ULK4: variants seen among roughly 807,000 people sequenced by gnomAD.
ULK4 encodes unc-51 like kinase 4.
Under a neutral mutation model 160.6 loss-of-function variants are expected in ULK4, and 133 were observed. The observed-to-expected ratio is 0.83, with a 90% CI of 0.72 to 0.96. The LOEUF (loss-of-function observed/expected upper bound fraction) is 0.96, where lower values mean the gene tolerates loss of function less well. Among genes scored for constraint, ULK4 ranks in the 40% least tolerant of loss-of-function variants. The pLI is 0.00. For synonymous variants in ULK4, 534 were observed against 539.8 expected, an observed-to-expected ratio of 0.99 and a Z score of 0.15; for missense variants, 1,580 against 1,499.5, an observed-to-expected ratio of 1.05 and a Z score of -0.89.
At chr3:41,276,586 T>C (rs983121009) in intron 35 of ULK4, among the ~76,000 whole-genome samples, 1 of 152,188 alleles carries the variant, frequency 6.6e-6, no homozygotes, top group Admixed American at 6.5e-5. Context: ...TTTTAGTATA[T>C]GACAGGAATG....
At chr3:41,365,230 G>C (rs1488983383) in intron 35 of ULK4, among the ~76,000 whole-genome samples, 2 of 152,162 alleles carry the variant, frequency 1.3e-5, no homozygotes, top group East Asian at 3.8e-4. Flanking sequence ...TCACATCACA[G>C]TAAACAGTAA....
intron 21 of ULK4, among the ~76,000 whole-genome samples, chr3:41,771,207 A>C (rs2039354237): frequency 6.6e-6 from 1 of 152,230 alleles, no homozygotes; most frequent in South Asian, 2.1e-4. Flanking sequence ...ATAATCTGTC[A>C]GAATATTTCC....
intron 21 of ULK4, among the ~76,000 whole-genome samples, chr3:41,754,834 T>C (rs1357384982): frequency 6.6e-6 from 1 of 152,176 alleles, no homozygotes; most frequent in Non-Finnish European, 1.5e-5. Context: ...ACTGGAAATG[T>C]GGCAGCAAAT....
At chr3:41,325,323 C>T (rs2080320366) in intron 35 of ULK4, among the ~76,000 whole-genome samples, 1 of 152,076 alleles carries the variant, frequency 6.6e-6, no homozygotes, top group Non-Finnish European at 1.5e-5. Context: ...TGAAAATGAG[C>T]TACAGGTAAA....
intron 21 of ULK4, among the ~76,000 whole-genome samples, chr3:41,766,044 G>A (rs2039150747): frequency 6.6e-6 from 1 of 151,880 alleles, no homozygotes; most frequent in Admixed American, 6.6e-5. Context: ...GCCAAAGCGG[G>A]TGGATCACAA....
At chr3:41,277,305 A>C (rs1381173663) in intron 35 of ULK4, among the ~76,000 whole-genome samples, 1 of 152,170 alleles carries the variant, frequency 6.6e-6, no homozygotes, top group Non-Finnish European at 1.5e-5. Context: ...CAAAAAAGAA[A>C]ACTACAGACC....
intron 21 of ULK4, among the ~76,000 whole-genome samples, chr3:41,784,075 T>C (rs1294074177): frequency 2.0e-5 from 3 of 152,132 alleles, no homozygotes; most frequent in African/African-American, 7.2e-5. Context: ...AAAAAGGTAA[T>C]CAATTCCCTA....
intron 18 of ULK4, among the ~76,000 whole-genome samples, chr3:41,821,764 A>G (rs1310568179): frequency 6.6e-6 from 1 of 152,004 alleles, no homozygotes; most frequent in East Asian, 1.9e-4. Flanking sequence ...TGACTTTCTC[A>G]GTTTCCTCAC....
chr3:41,651,465 A>G (rs756197862), intron 30 of ULK4, among the ~76,000 whole-genome samples: 8 of 152,168 alleles, frequency 5.3e-5, no homozygotes, highest in Non-Finnish European at 1.0e-4. Context: ...TGTCTAGTAT[A>G]TACCTCCATC....
chr3:41,679,744 A>G (rs1489478823), intron 29 of ULK4, among the ~76,000 whole-genome samples: 1 of 152,240 alleles, frequency 6.6e-6, no homozygotes, highest in Non-Finnish European at 1.5e-5. Flanking sequence ...GAGCTTTAAA[A>G]AAGCTATTAC....
chr3:41,635,493 T>C lies in ULK4; in HGVS notation c.3072-19776A>G, dbSNP rs551859430. Among the ~76,000 whole-genome samples, 13 of 152,206 alleles carry C rather than the reference T, an allele frequency of 8.5e-5. No individual in the cohort carries two copies. In the East Asian group the frequency reaches 1.5e-3, roughly 18 times the overall value. On this transcript the variant is annotated intron_variant, in intron 30 of 36. Transcript: ENST00000301831. ...TACATTTAGAAAAAATAGAAAAGTA[T>C]TACAAATAAAATATAATCCCACTAT...
intron 35 of ULK4, among the ~76,000 whole-genome samples, chr3:41,260,792 T>C (rs780155301): frequency 2.6e-5 from 4 of 152,202 alleles, no homozygotes; most frequent in Admixed American, 6.5e-5. Context: ...ACAGAGATAT[T>C]GCACTAAACA....
chr3:41,419,437 C>CA (rs2082608087), intron 34 of ULK4, among the ~76,000 whole-genome samples: 2 of 152,116 alleles, frequency 1.3e-5, no homozygotes, highest in African/African-American at 4.8e-5. Flanking sequence ...AGTAGATTTA[C>CA]AAGAATGGAG....
chr3:41,358,288 T>G (rs2081066132), intron 35 of ULK4, among the ~76,000 whole-genome samples: 1 of 152,184 alleles, frequency 6.6e-6, no homozygotes, highest in Admixed American at 6.5e-5. Flanking sequence ...GTGTTAGGTA[T>G]ATAGCAATGA....
rs199900371 is a variant in ULK4 at position 41,554,927 on chromosome 3, G to T, written c.3226+11098C>A. On this transcript the variant is annotated intron_variant, in intron 32 of 36. Coordinates refer to ENST00000301831, the MANE Select transcript of ULK4 (RefSeq NM_017886.4). Reference sequence around the variant, plus strand: ...ATTTCAAAGCAACGCTAGACTCAGTGAGAGAACATACACCAAAACTGAAAT... The same window carrying T: ...ATTTCAAAGCAACGCTAGACTCAGTTAGAGAACATACACCAAAACTGAAAT... 3.3e-5 allele frequency among the ~76,000 whole-genome samples: 5 copies of T among 152,070 alleles called. No individual in the cohort carries two copies. In the South Asian group the frequency reaches 8.3e-4, roughly 25 times the overall value.
chr3:41,423,647 G>A (rs1431872293), intron 34 of ULK4, among the ~76,000 whole-genome samples: 4 of 152,112 alleles, frequency 2.6e-5, no homozygotes, highest in South Asian at 2.1e-4. Context: ...AATGTAAACA[G>A]CAAGTGAATC....
In ULK4 at chr3:41,421,665, T is replaced by C. The variant is rs182566931; in HGVS notation, c.3493-23401A>G. ...TGTACTGCTAGATTTAATTTTCTTTTTTGTGGGGAGGGGATTTTCTTGCCT... is the reference window on the plus strand; with the variant it reads ...TGTACTGCTAGATTTAATTTTCTTTCTTGTGGGGAGGGGATTTTCTTGCCT... On this transcript the variant is annotated intron_variant, in intron 34 of 36. Transcript: ENST00000301831. Among the ~76,000 whole-genome samples, 601 of 152,312 alleles carry C rather than the reference T, an allele frequency of 3.9e-3. 2 individuals are homozygous for C. Among genetic ancestry groups the C allele is most frequent in the African/African-American group, 0.014 (577 of 41,582 alleles).
At chr3:41,524,780 A>G (rs1276420907) in intron 32 of ULK4, among the ~76,000 whole-genome samples, 1 of 152,100 alleles carries the variant, frequency 6.6e-6, no homozygotes, top group African/African-American at 2.4e-5. Flanking sequence ...TCTATAAAAT[A>G]CAAAAAAATT....
intron 35 of ULK4, among the ~76,000 whole-genome samples, chr3:41,290,669 A>G (rs1036049969): frequency 6.6e-6 from 1 of 152,280 alleles, no homozygotes; most frequent in African/African-American, 2.4e-5. Flanking sequence ...GCAACATTAT[A>G]AAGTATGTGC....
Sources: allele counts gnomAD v4.1 joint callset (sites outside exome capture counted in the v4.1 genomes callset), GRCh38; gene constraint gnomAD v4.1.1; transcripts MANE v1.5; gene names NCBI Gene and HGNC (gene_info 2026-07-23, HGNC 2026-07-21).